The following NCOA2 variants were observed in gnomAD, a reference collection of about 807,000 sequenced individuals.
NCOA2 encodes the protein class E basic helix-loop-helix protein 75.
In NCOA2, 21 loss-of-function variants were observed where a neutral mutation model predicts 145.1. The ratio of observed to expected loss-of-function variants is 0.14; its 90% confidence interval spans 0.10 to 0.21. The LOEUF (loss-of-function observed/expected upper bound fraction) is 0.21. NCOA2 is among the 10% of genes least tolerant of loss of function. The pLI, the probability that NCOA2 is intolerant of heterozygous loss-of-function variation, is 1.00. For missense variants in NCOA2, 1,472 were observed against 1,837.6 expected (o/e 0.80, Z 3.64); for synonymous variants, 619 against 637.5 (o/e 0.97, Z 0.44).
At chr8:70,181,839 A>C (rs573106660) in intron 4 of NCOA2, among the ~76,000 whole-genome samples, 2 of 152,324 alleles carry the variant, frequency 1.3e-5, no homozygotes, top group South Asian at 4.1e-4. Context: ...TTTCAGGTGA[A>C]GTGACTGTCA....
intron 1 of NCOA2, among the ~76,000 whole-genome samples, chr8:70,393,701 C>G (rs1016194231): frequency 6.6e-6 from 1 of 152,216 alleles, no homozygotes; most frequent in Non-Finnish European, 1.5e-5. Context: ...CTTTGCTTCC[C>G]TGGAGCCTAA....
At chr8:70,363,878 C>T (rs1207430636) in intron 1 of NCOA2, among the ~76,000 whole-genome samples, 2 of 151,344 alleles carry the variant, frequency 1.3e-5, no homozygotes, top group African/African-American at 4.9e-5. Flanking sequence ...TTTTTTAAAG[C>T]CCTCAATTCA....
intron 2 of NCOA2, among the ~76,000 whole-genome samples, chr8:70,284,676 G>C (rs1039109837): frequency 1.4e-4 from 22 of 152,126 alleles, no homozygotes; most frequent in African/African-American, 5.3e-4. Flanking sequence ...GAGGGAGAAC[G>C]TGTGTGTGTT....
chr8:70,430,054 T>A, the NCOA2 span, among the ~76,000 whole-genome samples: 1 of 152,164 alleles, frequency 6.6e-6, no homozygotes, highest in East Asian at 1.9e-4. Context: ...GGTCTCACTT[T>A]GTTGCTCAGG....
rs1221431961 is a variant in NCOA2, at chr8:70,141,316, C to T, written c.2896G>A (p.Ala966Thr). ...CGGTTCATGGCACTGGTGGTAGCAG[C>T]ACAGGTGACTCTCACAGCCGAACTC... ...PQSSAVRVTCAATTSAMNRPV... is the reference protein window; with the variant it reads ...PQSSAVRVTCTATTSAMNRPV... The change falls in exon 14 of 23, where the codon GCT becomes ACT. Residue 966 changes from alanine to threonine, a missense_variant. This residue lies in a region of NCOA2 where 953 missense variants were observed against 1,062.1 expected (regional missense o/e 0.90). Transcript: ENST00000452400. 4 of 1,613,944 alleles carry T rather than the reference C, an allele frequency of 2.5e-6. No individual in the cohort carries two copies. The South Asian group carries it at 3.3e-5, about 13-fold the overall frequency.
upstream of NCOA2, among the ~76,000 whole-genome samples, chr8:70,408,528 G>A (rs1224762763): frequency 6.6e-6 from 1 of 152,206 alleles, no homozygotes; most frequent in African/African-American, 2.4e-5. Flanking sequence ...ACTGGGCACA[G>A]TGGCACATGC....
intron 5 of NCOA2, among the ~76,000 whole-genome samples, chr8:70,170,821 T>C (rs772642717): frequency 6.6e-6 from 1 of 152,200 alleles, no homozygotes; most frequent in Non-Finnish European, 1.5e-5. Flanking sequence ...TCATAATTTT[T>C]CCCCAGTTTA....
At chr8:70,213,843 T>A in intron 4 of NCOA2, 60 bp downstream of exon 4, 1 of 1,405,212 alleles carries the variant, frequency 7.1e-7, no homozygotes, top group Non-Finnish European at 9.6e-7. Context: ...AAGGGACTTC[T>A]CACACAGGGA....
At chr8:70,378,856 T>C (rs1036223571) in intron 1 of NCOA2, among the ~76,000 whole-genome samples, 4 of 151,976 alleles carry the variant, frequency 2.6e-5, no homozygotes, top group Admixed American at 2.6e-4. Context: ...ACTTTAACTA[T>C]GTACCAGGCA....
At chr8:70,314,206 A>AAGC (rs1805381066) in intron 1 of NCOA2, among the ~76,000 whole-genome samples, 1 of 146,958 alleles carries the variant, frequency 6.8e-6, no homozygotes, top group African/African-American at 2.5e-5. Flanking sequence ...AAAAAAAAAA[A>AAGC]AAGCAACTGT....
chr8:70,416,077 A>G, the NCOA2 span, among the ~76,000 whole-genome samples: 1 of 152,222 alleles, frequency 6.6e-6, no homozygotes, highest in African/African-American at 2.4e-5. Flanking sequence ...TGAAAGTCCA[A>G]ACTTTGCAGA....
chr8:70,285,019 T>C (rs887086119), intron 2 of NCOA2, among the ~76,000 whole-genome samples: 1 of 152,064 alleles, frequency 6.6e-6, no homozygotes, highest in Non-Finnish European at 1.5e-5. Context: ...TTACATTATA[T>C]GCTCAATAAA....
In NCOA2 at chr8:70,213,977, T is replaced by C. The variant is rs370877178; in HGVS notation, c.185A>G (p.Asn62Ser). ...LIFANFNDID[N>S]FNFKPDKCAI... The stretch of plus-strand genomic sequence containing the variant: ...ACATTTGTCAGGTTTGAAGTTAAAG[T>C]TGTCTATATCATTAAAATTTGCAAA... Residue 62 changes from asparagine to serine, a missense_variant, in exon 4 of 23, where the codon AAC becomes AGC. Asn to Ser is a conservative substitution (Grantham distance 46). This residue lies in a region of NCOA2 where 284 missense variants were observed against 467.8 expected (regional missense o/e 0.61). Coordinates refer to ENST00000452400, the MANE Select transcript of NCOA2 (RefSeq NM_006540.4). The C allele has an allele frequency of 3.7e-6, 6 of 1,612,802 alleles. No homozygotes were observed. The African/African-American group carries it at 8.0e-5, about 22-fold the overall frequency.
intron 1 of NCOA2, among the ~76,000 whole-genome samples, chr8:70,354,970 T>C (rs1456526420): frequency 3.3e-5 from 5 of 152,224 alleles, no homozygotes; most frequent in Non-Finnish European, 7.3e-5. Flanking sequence ...TAAAGGTGTT[T>C]TGGCACAGAT....
intron 14 of NCOA2, among the ~76,000 whole-genome samples, chr8:70,138,980 C>T (rs1476240147): frequency 6.6e-6 from 1 of 152,250 alleles, no homozygotes; most frequent in African/African-American, 2.4e-5. Context: ...GCCTTGCAGA[C>T]TCTCTGACTG....
intron 1 of NCOA2, among the ~76,000 whole-genome samples, chr8:70,399,904 C>T (rs1294630984): frequency 1.3e-5 from 2 of 152,198 alleles, no homozygotes; most frequent in Non-Finnish European, 2.9e-5. Context: ...ACATTTCAAC[C>T]TTATGTAATT....
intron 12 of NCOA2, 143 bp downstream of exon 12, chr8:70,148,130 A>G: frequency 1.3e-6 from 1 of 750,026 alleles, no homozygotes; most frequent in South Asian, 1.7e-5. Flanking sequence ...TACTGTTTCA[A>G]AAGACCAGGA....
At chr8:70,149,628 A>G (rs978624167) in intron 11 of NCOA2, among the ~76,000 whole-genome samples, 1 of 152,006 alleles carries the variant, frequency 6.6e-6, no homozygotes, top group Admixed American at 6.6e-5. Context: ...AAGTATCACC[A>G]CTATTTCACA....
chr8:70,360,080 T>C (rs1227516271), intron 1 of NCOA2, among the ~76,000 whole-genome samples: 1 of 152,152 alleles, frequency 6.6e-6, no homozygotes, highest in Non-Finnish European at 1.5e-5. Context: ...CTATAACAAA[T>C]GCAGTATTTT....
Sources: gnomAD v4.1 joint callset for allele counts (sites outside exome capture counted in the v4.1 genomes callset) on GRCh38, gnomAD v4.1.1 for gene constraint, gnomAD v4.1.1 regional missense constraint, MANE v1.5 for transcripts, NCBI Gene and HGNC (gene_info 2026-07-23, HGNC 2026-07-21) for gene names.